The following ABTB1 variants were observed in gnomAD, a reference collection of about 807,000 sequenced individuals.
ABTB1 encodes the protein ankyrin repeat and BTB/POZ domain-containing protein 1.
ABTB1 carries 45 observed loss-of-function variants against 57.1 expected under a neutral mutation model. The observed-to-expected ratio is 0.79, with a 90% CI of 0.62 to 1.01. The LOEUF is 1.01. Among genes scored for constraint, ABTB1 ranks in the 50% least tolerant of loss-of-function variants. The probability of loss-of-function intolerance (pLI) is 0.00; values close to 1 mark genes in which losing one functional copy is unlikely to be tolerated. For missense variants in ABTB1, 630 were observed against 666.3 expected (o/e 0.95, Z 0.60); for synonymous variants, 302 against 275.4 (o/e 1.10, Z -0.95).
chr3:127,674,199 C>A (rs2074921087), intron 1 of ABTB1, 192 bp from the exon 2 acceptor site: 5 of 653,214 alleles, frequency 7.7e-6, no homozygotes, highest in Non-Finnish European at 1.3e-5. Context: ...GCCTGTTCGA[C>A]CCCACCTCCA....
rs751155422 is a variant in ABTB1, at chr3:127,677,494, T to C, written c.792T>C (p.Cys264=). 1 of 1,614,122 alleles carries C rather than the reference T, an allele frequency of 6.2e-7. No homozygotes were observed. The highest frequency in any genetic ancestry group is 1.7e-5 in the Admixed American group (1 of 60,028). ...RGDLWELPFP[C]PDGFNSCPDI... ...ATCTTTGGGAGCTGCCCTTCCCTTG[T>C]CCTGACGGCTTCAACAGCTGCCCTG... Residue 264 remains cysteine (C), a synonymous_variant, in exon 9 of 12, where the codon TGT becomes TGC. Coordinates refer to ENST00000232744, the MANE Select transcript of ABTB1 (RefSeq NM_172027.3).
At position 127,677,297 on chromosome 3, in the gene ABTB1, G is replaced by A. The variant is rs766386607; in HGVS notation, c.762+11G>A. The A allele has an allele frequency of 2.3e-5, 36 of 1,587,190 alleles. No individual in the cohort carries two copies. In the East Asian group the frequency reaches 8.1e-4, roughly 36 times the overall value. ...CCCCCCGAGCTCCGAGTAAGTGCGGGGCTGGTGGGCAGGAAGGGCGTTTTG... is the reference window on the plus strand; with the variant it reads ...CCCCCCGAGCTCCGAGTAAGTGCGGAGCTGGTGGGCAGGAAGGGCGTTTTG... On this transcript the variant is annotated intron_variant, in intron 8 of 11. Coordinates refer to ENST00000232744, the MANE Select transcript of ABTB1 (RefSeq NM_172027.3).
intron 3 of ABTB1, 114 bp downstream of exon 3, chr3:127,674,714 C>G (rs977456101): frequency 7.9e-7 from 1 of 1,264,872 alleles, no homozygotes; most frequent in Non-Finnish European, 1.1e-6. Flanking sequence ...CAAAGCACCA[C>G]GATTCCTCTC....
intron 1 of ABTB1, 129 bp downstream of exon 1, chr3:127,673,210 C>T (rs1178092608): frequency 6.6e-6 from 7 of 1,054,936 alleles, no homozygotes; most frequent in East Asian, 7.3e-5. Context: ...CCTCGGAGCG[C>T]CCCCGCGGGG....
intron 3 of ABTB1, among the ~76,000 whole-genome samples, chr3:127,675,056 C>T (rs60645978): frequency 0.05 from 7,623 of 151,674 alleles, 615 homozygotes; most frequent in African/African-American, 0.17. Context: ...ACACTGGCCT[C>T]GCTGGGGCTC....
chr3:127,673,378 G>C, intron 1 of ABTB1: 1 of 248,886 alleles, frequency 4.0e-6, no homozygotes, highest in Non-Finnish European at 7.6e-6. Context: ...GCCACTGTTC[G>C]CCCTGGTAGG....
intron 10 of ABTB1, chr3:127,678,661 C>T (rs1042517219): frequency 2.6e-5 from 4 of 152,246 alleles, no homozygotes; most frequent in Non-Finnish European, 2.9e-5. Context: ...GTCCACAGGC[C>T]GTAGCTTACC....
rs980196930 is a variant in ABTB1 at position 127,680,647 on chromosome 3, A to G, written c.*172A>G. The G allele has an allele frequency of 3.4e-6, 3 of 877,996 alleles. No homozygotes were observed. The highest frequency in any genetic ancestry group is 2.0e-5 in the Admixed American group (1 of 50,304). 54.4% of individuals were successfully genotyped at this position (877,996 alleles called of 1,614,324 possible). On this transcript the variant is annotated 3_prime_UTR_variant, in exon 12 of 12. Transcript: ENST00000232744. ...ATGAGCCTGGAGACCCCAGGGGAGG[A>G]TCCATTTGGGATGAGCCCCCTCCCC...
In ABTB1 at chr3:127,677,776, C is replaced by A. The variant is rs977100805; in HGVS notation, c.962C>A (p.Thr321Asn). Residue 321 changes from threonine to asparagine, a missense_variant, in exon 10 of 12, where the codon ACC becomes AAC. Coordinates refer to ENST00000232744, the MANE Select transcript of ABTB1 (RefSeq NM_172027.3). ...PATSGGPPAV[T>N]LHGISPDVFT... ...ACCTCAGGGGGCCCCCCAGCCGTCA[C>A]CCTGCATGGCATCTCACCCGACGTC... The A allele has an allele frequency of 6.2e-7, 1 of 1,612,536 alleles. No homozygotes were observed. Among genetic ancestry groups the A allele is most frequent in the Non-Finnish European group, 8.5e-7 (1 of 1,179,562 alleles).
chr3:127,680,021 G>T lies in ABTB1; in HGVS notation c.1066G>T (p.Ala356Ser). Residue 356 changes from alanine to serine, a missense_variant, in exon 11 of 12, where the codon GCC becomes TCC. Transcript: ENST00000232744. ...PEAAYDVLSV[A>S]DMYLLPGLKR... ...GGCAGCCTATGATGTGCTGAGCGTC[G>T]CCGACATGTACCTGCTGCCAGGCCT... 6.2e-7 allele frequency: 1 copy of T among 1,613,638 alleles called. No homozygotes were observed. The highest frequency in any genetic ancestry group is 1.1e-5 in the South Asian group (1 of 91,088).
chr3:127,676,890 G>A lies in ABTB1; in HGVS notation c.527-77G>A. On this transcript the variant is annotated intron_variant, in intron 6 of 11. Transcript: ENST00000232744. This position sits in a 1 kb window ranked among gnomAD's most constrained non-coding sequence, Gnocchi z 5.4. Reference sequence around the variant, plus strand: ...AGTCCTGCAGCCAGGTGGCCAGGTGGGAGGGGATCACCCTTTTTCTGTGGG... The same window carrying A: ...AGTCCTGCAGCCAGGTGGCCAGGTGAGAGGGGATCACCCTTTTTCTGTGGG... 2 of 1,438,622 alleles carry A rather than the reference G, an allele frequency of 1.4e-6. No individual in the cohort carries two copies. Among genetic ancestry groups the A allele is most frequent in the Non-Finnish European group, 1.9e-6 (2 of 1,039,786 alleles). The allele number at this position is 1,438,622 out of a possible 1,614,324, so 89.1% of individuals were successfully genotyped here. A position where few individuals can be genotyped will look rare whatever the true frequency, so the allele number is the denominator to read the frequency against.
Position 127,677,790 on chromosome 3 carries a change from T to G in ABTB1, c.976T>G (p.Ser326Ala). The G allele has an allele frequency of 6.2e-7, 1 of 1,612,586 alleles. No homozygotes were observed. The highest frequency in any genetic ancestry group is 8.5e-7 in the Non-Finnish European group (1 of 1,179,646). ...CCCAGCCGTCACCCTGCATGGCATC[T>G]CACCCGACGTCTTCACTCACGTGCT... ...GPPAVTLHGI[S>A]PDVFTHVLYY... The change falls in exon 10 of 12, where the codon TCA (serine) becomes GCA (alanine). Residue 326 changes from serine to alanine, a missense_variant. Ser to Ala is a moderately conservative substitution (Grantham distance 99). Around this residue, in one of 3 missense-constraint regions of ABTB1, gnomAD observed 579 missense variants for 585.9 expected, o/e 0.99. Transcript: ENST00000232744.
intron 8 of ABTB1, 31 bp downstream of exon 8, chr3:127,677,317 G>A (rs371193956): frequency 2.4e-5 from 38 of 1,576,438 alleles, no homozygotes; most frequent in African/African-American, 1.6e-4. Context: ...CAGGAAGGGC[G>A]TTTTGGGATG....
chr3:127,679,152 C>T (rs1227981343), intron 10 of ABTB1: 2 of 184,886 alleles, frequency 1.1e-5, no homozygotes, highest in Non-Finnish European at 2.3e-5. Context: ...GTGGCTTGGG[C>T]TCTTAACCTG....
chr3:127,679,532 A>G (rs770641770), intron 10 of ABTB1: 12 of 458,042 alleles, frequency 2.6e-5, no homozygotes, highest in Non-Finnish European at 4.8e-5. Context: ...GAGTCCCTGC[A>G]TAGGTCTTGA....
chr3:127,677,189 G>T lies in ABTB1; in HGVS notation c.665G>T (p.Cys222Phe), dbSNP rs1336816372. The T allele has an allele frequency of 6.2e-7, 1 of 1,612,986 alleles. No individual in the cohort carries two copies. Among genetic ancestry groups the T allele is most frequent in the Non-Finnish European group, 8.5e-7 (1 of 1,179,666 alleles). The change falls in exon 8 of 12, where the codon TGT (cysteine) becomes TTT (phenylalanine). Residue 222 changes from cysteine to phenylalanine, a missense_variant. By Grantham distance (205) the Cys-to-Phe change is radical. Coordinates refer to ENST00000232744, the MANE Select transcript of ABTB1 (RefSeq NM_172027.3). Reference protein sequence around the residue: ...SEFVASKPGTCVKVLTIEPPP... With the variant: ...SEFVASKPGTFVKVLTIEPPP... ...GTAGTGGCGTCTAAGCCAGGCACGT[G>T]TGTGAAGGTGCTGACCATCGAGCCC... is the stretch of plus-strand genomic sequence containing the variant.
chr3:127,674,584 C>A lies in ABTB1; in HGVS notation c.159C>A (p.Leu53=). 1 of 1,614,206 alleles carries A rather than the reference C, an allele frequency of 6.2e-7. No individual in the cohort carries two copies. Among genetic ancestry groups the A allele is most frequent in the South Asian group, 1.1e-5 (1 of 91,086 alleles). Reference sequence around the variant, plus strand: ...TGTGTGGGCACGAGGAGCTGGTACTCTACCTTCTGGCCAATGGTGAGAGCA... The same window carrying A: ...TGTGTGGGCACGAGGAGCTGGTACTATACCTTCTGGCCAATGGTGAGAGCA... ...ACLCGHEELV[L]YLLANGARCE... Residue 53 remains leucine, a synonymous_variant, in exon 3 of 12, where the codon CTC becomes CTA. Transcript: ENST00000232744.
chr3:127,680,199 C>A lies in ABTB1; in HGVS notation c.1230+14C>A. On this transcript the variant is annotated intron_variant, in intron 11 of 11. Coordinates refer to ENST00000232744, the MANE Select transcript of ABTB1 (RefSeq NM_172027.3). Reference sequence around the variant, plus strand: ...GTCATTGAGAAGGTGGGCCAGTGGTCTGCAGTGGGTGGGAAGGAGGGGTGA... The same window carrying A: ...GTCATTGAGAAGGTGGGCCAGTGGTATGCAGTGGGTGGGAAGGAGGGGTGA... The A allele has an allele frequency of 6.2e-7, 1 of 1,613,648 alleles. No individual in the cohort carries two copies. Among genetic ancestry groups the A allele is most frequent in the South Asian group, 1.1e-5 (1 of 91,072 alleles).
At chr3:127,677,633 A>G in intron 9 of ABTB1, 43 bp from the exon 10 acceptor site, 5 of 1,612,548 alleles carry the variant, frequency 3.1e-6, no homozygotes, top group Non-Finnish European at 4.2e-6. Flanking sequence ...TCCTCAGGAG[A>G]CAGACCCTGG....
Sources: gnomAD v4.1 joint callset for allele counts (sites outside exome capture counted in the v4.1 genomes callset) on GRCh38, gnomAD v4.1.1 for gene constraint, gnomAD v4.1.1 regional missense constraint, Gnocchi (gnomAD v3.1) non-coding constraint, MANE v1.5 for transcripts, NCBI Gene and HGNC (gene_info 2026-07-23, HGNC 2026-07-21) for gene names.